The following ATF2 variants were observed in gnomAD, a reference collection of about 807,000 sequenced individuals.
ATF2 encodes cyclic AMP-dependent transcription factor ATF-2.
ATF2 carries 24 observed loss-of-function variants against 60.6 expected under a neutral mutation model. The ratio of observed to expected loss-of-function variants is 0.40; its 90% CI spans 0.29 to 0.56. ATF2 has a LOEUF of 0.56. Ranked by LOEUF, ATF2 falls within the 20% of genes least tolerant of loss-of-function variation. The pLI is 0.54. For synonymous variants in ATF2, 206 were observed against 215.4 expected, an observed-to-expected ratio of 0.96 and a Z score of 0.38; for missense variants, 433 against 607.7, an observed-to-expected ratio of 0.71 and a Z score of 3.02.
chr2:175,167,685 C>G (rs971343686), intron 1 of ATF2: 3 of 504,552 alleles, frequency 5.9e-6, no homozygotes, highest in South Asian at 4.5e-5. Flanking sequence ...ACGCGCGCCC[C>G]GAGGACCTCT....
intron 3 of ATF2, 26 bp from the exon 4 acceptor site, chr2:175,130,233 G>C (rs1042425680): frequency 7.2e-7 from 1 of 1,382,302 alleles, no homozygotes; most frequent in African/African-American, 1.5e-5. Flanking sequence ...AGACACTTTA[G>C]AGTACATATT....
At position 175,114,316 on chromosome 2, in the gene ATF2, T is replaced by C. The variant is rs542191436; in HGVS notation, c.627-208A>G. 263 of 1,303,560 alleles carry C rather than the reference T, an allele frequency of 2.0e-4. 1 individual carries two copies. Among genetic ancestry groups the C allele is most frequent in the Non-Finnish European group, 1.2e-4 (122 of 1,031,282 alleles). The allele number at this position is 1,303,560 out of a possible 1,614,324, so 80.7% of individuals were successfully genotyped here. A position where few individuals can be genotyped will look rare whatever the true frequency, so the allele number is the denominator to read the frequency against. On this transcript the variant is annotated intron_variant, in intron 8 of 13. Coordinates refer to ENST00000264110, the MANE Select transcript of ATF2 (RefSeq NM_001880.4). ...AGTATTGAAAAGAAGAGAAAAGTTA[T>C]GGATTTACTTAGGACAATCTCCAAT...
At chr2:175,112,065 AT>A in intron 9 of ATF2, among the ~76,000 whole-genome samples, 1 of 152,330 alleles carries the variant, frequency 6.6e-6, no homozygotes, top group Non-Finnish European at 1.5e-5. Flanking sequence ...TATACAATGA[AT>A]TTTCTTATAC....
Position 175,096,167 on chromosome 2 carries a change from A to G in ATF2, c.978+1277T>C, listed in dbSNP as rs556717122. Among the ~76,000 whole-genome samples, 22 of 152,352 alleles carry G rather than the reference A, an allele frequency of 1.4e-4. No individual in the cohort carries two copies. The South Asian group carries it at 4.6e-3, about 32-fold the overall frequency. ...ATGCCAATGCTAATATTCTTCAAGT[A>G]AAGATAAAAGGTCTAAATAGAATTC... On this transcript the variant is annotated intron_variant, in intron 11 of 13. Coordinates refer to ENST00000264110, the MANE Select transcript of ATF2 (RefSeq NM_001880.4).
chr2:175,145,866 G>A (rs1008920591), intron 2 of ATF2, among the ~76,000 whole-genome samples: 2 of 151,886 alleles, frequency 1.3e-5, no homozygotes, highest in African/African-American at 4.8e-5. Flanking sequence ...AATAAAGAGG[G>A]TTCTATGAAC....
Position 175,083,499 on chromosome 2 carries a change from T to C in ATF2, c.1186-2734A>G, listed in dbSNP as rs193284050. Among the ~76,000 whole-genome samples the C allele has an allele frequency of 2.6e-5, 4 of 152,280 alleles. No homozygotes were observed. In the East Asian group the frequency reaches 7.7e-4, roughly 29 times the overall value. ...TACTTATACAAAAATTAACTCAAGA[T>C]GGATTAAAGACTTTAAGGTTAGACC... is the stretch of plus-strand genomic sequence containing the variant. On this transcript the variant is annotated intron_variant, in intron 12 of 13. Coordinates refer to ENST00000264110, the MANE Select transcript of ATF2 (RefSeq NM_001880.4).
chr2:175,136,285 T>G (rs1431534074), intron 3 of ATF2, 127 bp downstream of exon 3: 2 of 880,570 alleles, frequency 2.3e-6, no homozygotes, highest in African/African-American at 3.4e-5. Context: ...AACTACATAC[T>G]AAGTAAGTGA....
chr2:175,151,371 T>C (rs1004749804), intron 1 of ATF2, among the ~76,000 whole-genome samples: 2 of 152,192 alleles, frequency 1.3e-5, no homozygotes, highest in Admixed American at 6.6e-5. Flanking sequence ...ATGTTTATCC[T>C]GTAGCCTCCC....
chr2:175,160,492 T>C lies in ATF2; in HGVS notation c.-143+7558A>G, dbSNP rs150729748. On this transcript the variant is annotated intron_variant, in intron 1 of 13. Coordinates refer to ENST00000264110, the MANE Select transcript of ATF2 (RefSeq NM_001880.4). ...TATGTCAAAATTCAAGTAAGTAAAG[T>C]GTATTACTACAAAAAATATCCCTCG... is the stretch of plus-strand genomic sequence containing the variant. Among the ~76,000 whole-genome samples the C allele has an allele frequency of 1.8e-3, 274 of 152,308 alleles. 1 individual carries two copies. Among genetic ancestry groups the C allele is most frequent in the African/African-American group, 6.0e-3 (251 of 41,562 alleles).
chr2:175,142,439 T>C (rs1287212337), intron 2 of ATF2, among the ~76,000 whole-genome samples: 1 of 152,114 alleles, frequency 6.6e-6, no homozygotes, highest in East Asian at 1.9e-4. Flanking sequence ...AGTGCTGGGA[T>C]TACAGGCCTG....
intron 4 of ATF2, among the ~76,000 whole-genome samples, chr2:175,128,179 G>A (rs781773497): frequency 3.6e-4 from 55 of 152,144 alleles, no homozygotes; most frequent in Non-Finnish European, 5.7e-4. Flanking sequence ...ATTATGCTGG[G>A]ATATCTAAAC....
chr2:175,089,166 G>C (rs1694371200), intron 12 of ATF2, among the ~76,000 whole-genome samples: 1 of 147,214 alleles, frequency 6.8e-6, no homozygotes, highest in Non-Finnish European at 1.5e-5. Context: ...GGGAATAAGA[G>C]CAAAACTCTG....
chr2:175,139,136 T>C (rs1418624835), intron 2 of ATF2, among the ~76,000 whole-genome samples: 2 of 152,356 alleles, frequency 1.3e-5, no homozygotes, highest in Admixed American at 1.3e-4. Context: ...GTTCTATTAT[T>C]TCTACTGTTA....
At chr2:175,112,713 A>G (rs1696282167) in intron 9 of ATF2, among the ~76,000 whole-genome samples, 1 of 152,150 alleles carries the variant, frequency 6.6e-6, no homozygotes. Flanking sequence ...CCTTCTGAGT[A>G]GCTGAGACTA....
At position 175,163,494 on chromosome 2, in the gene ATF2, G is replaced by A. The variant is rs1700148666; in HGVS notation, c.-143+4556C>T. Among the ~76,000 whole-genome samples the A allele has an allele frequency of 2.0e-5, 3 of 152,116 alleles. No homozygotes were observed. In the South Asian group the frequency reaches 6.2e-4, roughly 32 times the overall value. On this transcript the variant is annotated intron_variant, in intron 1 of 13. Transcript: ENST00000264110. ...GTTGGAAGTATTTTGTATTCCTTGG[G>A]TAGAAAGGCAAAAAAGTGGCTGAGA...
intron 1 of ATF2, among the ~76,000 whole-genome samples, chr2:175,152,823 G>C (rs1319732928): frequency 6.6e-6 from 1 of 152,128 alleles, no homozygotes; most frequent in Admixed American, 6.5e-5. Flanking sequence ...ATGTAAAATA[G>C]GGACTACAAA....
intron 7 of ATF2, among the ~76,000 whole-genome samples, chr2:175,115,251 A>G (rs1006421000): frequency 2.0e-5 from 3 of 152,146 alleles, no homozygotes; most frequent in South Asian, 4.1e-4. Context: ...CTCCCTCATT[A>G]TACTGTATGA....
At chr2:175,081,414 T>C (rs1440207839) in intron 12 of ATF2, among the ~76,000 whole-genome samples, 2 of 152,218 alleles carry the variant, frequency 1.3e-5, no homozygotes, top group African/African-American at 4.8e-5. Flanking sequence ...ATCTTCAGAA[T>C]GAGTACTTCA....
intron 1 of ATF2, among the ~76,000 whole-genome samples, chr2:175,163,914 G>T (rs1393884566): frequency 4.7e-4 from 1 of 2,112 alleles, no homozygotes; most frequent in African/African-American, 1.3e-3. Context: ...TAGCAACTCC[G>T]TCTCAAAAAA....
Sources: allele counts gnomAD v4.1 joint callset (sites outside exome capture counted in the v4.1 genomes callset), GRCh38; gene constraint gnomAD v4.1.1; transcripts MANE v1.5; gene names NCBI Gene and HGNC (gene_info 2026-07-23, HGNC 2026-07-21).